FBXW11: variants seen among roughly 807,000 people sequenced by gnomAD.
FBXW11 encodes the protein F-box and WD repeat domain containing 11.
FBXW11 carries 19 observed loss-of-function variants against 77.6 expected under a neutral mutation model. The observed-to-expected ratio is 0.24, with a 90% CI of 0.17 to 0.36. FBXW11 has a LOEUF of 0.36. Ranked by LOEUF, FBXW11 falls within the 10% of genes least tolerant of loss-of-function variation. The probability of loss-of-function intolerance (pLI) is 1.00; values close to 1 mark genes in which losing one functional copy is unlikely to be tolerated. For synonymous variants in FBXW11, 235 were observed against 249.4 expected (o/e 0.94, Z 0.54); for missense variants, 334 against 704.2 (o/e 0.47, Z 5.95).
chr5:171,920,118 G>A (rs1038935087), intron 2 of FBXW11, among the ~76,000 whole-genome samples: 3 of 152,080 alleles, frequency 2.0e-5, no homozygotes, highest in African/African-American at 7.2e-5. Flanking sequence ...AGCGAAGATC[G>A]CACCACTGCA....
At chr5:172,001,645 ATTCAT>A (rs1342519958) in intron 1 of FBXW11, among the ~76,000 whole-genome samples, 3 of 152,220 alleles carry the variant, frequency 2.0e-5, no homozygotes, top group Admixed American at 6.5e-5. Flanking sequence ...GCCAGAATTC[ATTCAT>A]TTCATTTGAG....
chr5:171,914,799 C>A (rs1581194012), intron 2 of FBXW11, among the ~76,000 whole-genome samples: 1 of 152,146 alleles, frequency 6.6e-6, no homozygotes, highest in South Asian at 2.1e-4. Flanking sequence ...CAGTAATGCA[C>A]CCCAAGGAAT....
At chr5:171,970,164 G>A (rs549642470) in intron 1 of FBXW11, among the ~76,000 whole-genome samples, 10 of 152,268 alleles carry the variant, frequency 6.6e-5, no homozygotes, top group African/African-American at 2.4e-4. Context: ...CTATGTTTTG[G>A]CTTCATGTCC....
chr5:171,952,422 CATATATATATAT>C (rs1198809796), intron 2 of FBXW11, among the ~76,000 whole-genome samples: 1 of 14,636 alleles, frequency 6.8e-5, no homozygotes, highest in Admixed American at 1.2e-3. Flanking sequence ...TGTGTACATA[CATATATATATAT>C]ATATATATAT....
At chr5:171,994,258 C>G (rs1382577741) in intron 1 of FBXW11, among the ~76,000 whole-genome samples, 3 of 152,174 alleles carry the variant, frequency 2.0e-5, no homozygotes, top group Non-Finnish European at 4.4e-5. Context: ...CATATCTCAC[C>G]TTTGTCCCTT....
chr5:171,878,039 C>T lies in FBXW11; in HGVS notation c.943G>A (p.Val315Ile). 3 of 1,613,796 alleles carry T rather than the reference C, an allele frequency of 1.9e-6. No individual in the cohort carries two copies. The highest frequency in any genetic ancestry group is 2.5e-6 in the Non-Finnish European group (3 of 1,179,736). ...LCLQYDERVI[V>I]TGSSDSTVRV... is the part of the protein sequence containing the mutation. ...ACCGTAGAATCTGAAGAGCCAGTTA[C>T]AATGACACGCTCATCATACTGCAGA... Residue 315 changes from valine to isoleucine, a missense_variant, in exon 8 of 14, where the codon GTA (valine) becomes ATA (isoleucine). Physicochemically the swap from Val to Ile is conservative, Grantham distance 29. Transcript: ENST00000517395.
At chr5:171,891,438 A>C (rs1561654144) in intron 7 of FBXW11, 29 bp downstream of exon 7, 1 of 1,560,788 alleles carries the variant, frequency 6.4e-7, no homozygotes, top group Non-Finnish European at 8.7e-7. Context: ...CGATTCTAAA[A>C]ATAATACATA....
At chr5:171,925,456 C>T (rs1761839270) in intron 2 of FBXW11, among the ~76,000 whole-genome samples, 1 of 151,998 alleles carries the variant, frequency 6.6e-6, no homozygotes, top group South Asian at 2.1e-4. Flanking sequence ...CTGGCTAAAA[C>T]GTCATATGGG....
At chr5:171,995,728 G>A (rs372733184) in intron 1 of FBXW11, among the ~76,000 whole-genome samples, 2 of 151,766 alleles carry the variant, frequency 1.3e-5, no homozygotes, top group East Asian at 3.9e-4. Flanking sequence ...ACTCCAGCCT[G>A]GGCGACAGAG....
intron 7 of FBXW11, among the ~76,000 whole-genome samples, chr5:171,887,257 A>G (rs1035692673): frequency 1.3e-5 from 2 of 152,174 alleles, no homozygotes; most frequent in Admixed American, 6.5e-5. Flanking sequence ...CATCCACAGA[A>G]TATCTTTTGG....
At chr5:171,965,556 C>A (rs1764140353) in intron 1 of FBXW11, among the ~76,000 whole-genome samples, 1 of 150,364 alleles carries the variant, frequency 6.7e-6, no homozygotes, top group Non-Finnish European at 1.5e-5. Context: ...AAAAAGATAT[C>A]AGTACCCAAA....
intron 1 of FBXW11, among the ~76,000 whole-genome samples, chr5:171,980,494 G>A (rs1765081071): frequency 6.6e-6 from 1 of 152,070 alleles, no homozygotes; most frequent in Non-Finnish European, 1.5e-5. Flanking sequence ...CTAATTTCCA[G>A]ACTATAAAAA....
chr5:171,973,749 CTG>C (rs935889875), intron 1 of FBXW11, among the ~76,000 whole-genome samples: 2 of 152,142 alleles, frequency 1.3e-5, no homozygotes, highest in South Asian at 4.2e-4. Context: ...ATAATGAAAA[CTG>C]GGGAGTGTTG....
intron 2 of FBXW11, among the ~76,000 whole-genome samples, chr5:171,927,399 T>C (rs1293180410): frequency 6.6e-6 from 1 of 152,128 alleles, no homozygotes; most frequent in Non-Finnish European, 1.5e-5. Context: ...CACACAGAAT[T>C]TTTTTTAACT....
intron 2 of FBXW11, among the ~76,000 whole-genome samples, chr5:171,947,095 T>C (rs1763052112): frequency 6.6e-6 from 1 of 152,200 alleles, no homozygotes; most frequent in Non-Finnish European, 1.5e-5. Context: ...ATTACAGGCG[T>C]GAGCCACTGC....
intron 7 of FBXW11, among the ~76,000 whole-genome samples, chr5:171,890,035 T>C (rs1462514109): frequency 2.0e-5 from 3 of 151,940 alleles, no homozygotes; most frequent in African/African-American, 4.8e-5. Context: ...AAAGAACCCA[T>C]TTTAAAATGG....
chr5:171,882,947 TCCC>T (rs1001665406), intron 7 of FBXW11, among the ~76,000 whole-genome samples: 2 of 144,608 alleles, frequency 1.4e-5, no homozygotes, highest in African/African-American at 2.5e-5. Flanking sequence ...CTCCCACTCG[TCCC>T]CCCAAGTCCC....
intron 2 of FBXW11, among the ~76,000 whole-genome samples, chr5:171,950,010 G>A (rs924410256): frequency 1.3e-5 from 2 of 151,992 alleles, no homozygotes; most frequent in African/African-American, 4.8e-5. Context: ...AACTCCACAT[G>A]GCTTAAAATG....
At chr5:171,953,025 A>C (rs145606908) in intron 2 of FBXW11, among the ~76,000 whole-genome samples, 2,698 of 152,226 alleles carry the variant, frequency 0.018, 75 homozygotes, top group African/African-American at 0.063. Flanking sequence ...GCTGGAGTGC[A>C]GTGGTGTGAT....
Sources: allele counts gnomAD v4.1 joint callset (sites outside exome capture counted in the v4.1 genomes callset), GRCh38; gene constraint gnomAD v4.1.1; transcripts MANE v1.5; gene names NCBI Gene and HGNC (gene_info 2026-07-23, HGNC 2026-07-21).